Variants in EGFLAM observed in about 807,000 individuals in gnomAD.
EGFLAM encodes the protein EGF like, fibronectin type III and laminin G domains.
Under a neutral mutation model 113.1 loss-of-function variants are expected in EGFLAM, and 79 were observed. The ratio of observed to expected loss-of-function variants is 0.70; its 90% confidence interval spans 0.58 to 0.84. The LOEUF (loss-of-function observed/expected upper bound fraction) is 0.84, where lower values mean the gene tolerates loss of function less well. Ranked by LOEUF, EGFLAM falls within the 40% of genes least tolerant of loss-of-function variation. The probability of loss-of-function intolerance (pLI) is 0.00; values close to 1 mark genes in which losing one functional copy is unlikely to be tolerated. For synonymous variants in EGFLAM, 504 were observed against 487.6 expected (o/e 1.03, Z -0.44); for missense variants, 1,265 against 1,291.6 (o/e 0.98, Z 0.32).
At chr5:38,375,657 C>T (rs1480781221) in intron 6 of EGFLAM, among the ~76,000 whole-genome samples, 1 of 152,194 alleles carries the variant, frequency 6.6e-6, no homozygotes, top group African/African-American at 2.4e-5. Flanking sequence ...AACTTAATTG[C>T]TTAATGGGGC....
intron 6 of EGFLAM, among the ~76,000 whole-genome samples, chr5:38,395,762 C>T (rs1463687801): frequency 2.0e-5 from 3 of 152,180 alleles, no homozygotes; most frequent in Non-Finnish European, 4.4e-5. Context: ...TTTGCCATCT[C>T]ACTCTCCCTG....
At chr5:38,381,194 A>C (rs1686776730) in intron 6 of EGFLAM, among the ~76,000 whole-genome samples, 1 of 152,126 alleles carries the variant, frequency 6.6e-6, no homozygotes, top group African/African-American at 2.4e-5. Context: ...TGTCATGGCT[A>C]ATCTTTTCTG....
intron 12 of EGFLAM, among the ~76,000 whole-genome samples, chr5:38,424,435 AGACAGAGAAGTT>A (rs1741933053): frequency 6.6e-6 from 1 of 152,218 alleles, no homozygotes; most frequent in East Asian, 1.9e-4. Flanking sequence ...TCCCTACCCC[AGACAGAGAAGTT>A]GACAATCCAG....
chr5:38,428,216 T>C (rs1040540527), intron 14 of EGFLAM, among the ~76,000 whole-genome samples: 20 of 152,242 alleles, frequency 1.3e-4, no homozygotes, highest in Admixed American at 1.3e-3. Context: ...TTTATCCATA[T>C]TGCTAGACTG....
chr5:38,462,189 A>AAAATT (rs1743304488), intron 20 of EGFLAM, among the ~76,000 whole-genome samples: 2 of 152,078 alleles, frequency 1.3e-5, no homozygotes, highest in South Asian at 2.1e-4. Flanking sequence ...AAAATAAAAT[A>AAAATT]AACAGAAACT....
intron 13 of EGFLAM, among the ~76,000 whole-genome samples, chr5:38,426,466 T>C (rs1742012782): frequency 6.6e-6 from 1 of 152,200 alleles, no homozygotes; most frequent in South Asian, 2.1e-4. Context: ...TCTTCCCTAA[T>C]TCAGATTTGG....
chr5:38,348,942 C>T (rs544365184), intron 3 of EGFLAM, among the ~76,000 whole-genome samples: 1 of 152,228 alleles, frequency 6.6e-6, no homozygotes, highest in African/African-American at 2.4e-5. Flanking sequence ...CTGGTTCTGT[C>T]CCCTGTAGAT....
chr5:38,403,838 C>T, intron 6 of EGFLAM: 1 of 1,613,832 alleles, frequency 6.2e-7, no homozygotes, highest in Non-Finnish European at 8.5e-7. Flanking sequence ...TGTGTGAAGA[C>T]ATCTGGCACA....
chr5:38,324,135 G>A (rs1339901023), intron 1 of EGFLAM, among the ~76,000 whole-genome samples: 1 of 151,928 alleles, frequency 6.6e-6, no homozygotes, highest in Non-Finnish European at 1.5e-5. Flanking sequence ...AGCCTTGGGT[G>A]GTTTCCCTCT....
intron 1 of EGFLAM, among the ~76,000 whole-genome samples, chr5:38,298,424 C>T (rs1041958491): frequency 6.6e-6 from 1 of 152,172 alleles, no homozygotes; most frequent in African/African-American, 2.4e-5. Flanking sequence ...AAATAGCTCC[C>T]TCACTCAGTC....
At chr5:38,451,584 CA>C in intron 19 of EGFLAM, 126 bp downstream of exon 19, 1 of 1,376,308 alleles carries the variant, frequency 7.3e-7, no homozygotes, top group South Asian at 1.4e-5. Context: ...CCTGAAGCTT[CA>C]AGGCTTATTG....
intron 3 of EGFLAM, among the ~76,000 whole-genome samples, chr5:38,342,907 G>A (rs539859325): frequency 6.6e-6 from 1 of 152,234 alleles, no homozygotes; most frequent in South Asian, 2.1e-4. Flanking sequence ...TAGAGTTCAT[G>A]TGTTTTCTTC....
At chr5:38,259,295 T>C (rs545815284) in intron 1 of EGFLAM, among the ~76,000 whole-genome samples, 13 of 152,330 alleles carry the variant, frequency 8.5e-5, no homozygotes, top group African/African-American at 2.4e-4. Context: ...TCTGCCCATC[T>C]CGGGTCCTGC....
At chr5:38,452,910 C>G (rs185670848) in intron 19 of EGFLAM, among the ~76,000 whole-genome samples, 241 of 152,310 alleles carry the variant, frequency 1.6e-3, no homozygotes, top group Non-Finnish European at 2.7e-3. Flanking sequence ...ACTCTTCTTA[C>G]CAGATTGGGT....
intron 17 of EGFLAM, among the ~76,000 whole-genome samples, chr5:38,447,813 G>T (rs2561804): frequency 6.6e-6 from 1 of 151,756 alleles, no homozygotes; most frequent in Non-Finnish European, 1.5e-5. Flanking sequence ...TCAGAAATGC[G>T]GGAGTCCAAG....
intron 3 of EGFLAM, among the ~76,000 whole-genome samples, chr5:38,341,650 T>C (rs1223275561): frequency 6.6e-6 from 1 of 152,154 alleles, no homozygotes; most frequent in African/African-American, 2.4e-5. Flanking sequence ...ACACTAAGGG[T>C]GGAAAGAACA....
At chr5:38,264,219 G>A (rs1757575315) in intron 1 of EGFLAM, among the ~76,000 whole-genome samples, 1 of 152,136 alleles carries the variant, frequency 6.6e-6, no homozygotes, top group Non-Finnish European at 1.5e-5. Flanking sequence ...CCTCCTGCCT[G>A]TCCAGTTTGC....
intron 1 of EGFLAM, among the ~76,000 whole-genome samples, chr5:38,300,696 A>T (rs1475374979): frequency 6.6e-6 from 1 of 152,156 alleles, no homozygotes; most frequent in African/African-American, 2.4e-5. Flanking sequence ...TTTGAAGTAA[A>T]GCTCTGGCTG....
Position 38,462,934 on chromosome 5 carries a change from TG to T in EGFLAM, c.2800del (p.Asp934MetfsTer13). The T allele has an allele frequency of 6.2e-7, 1 of 1,614,184 alleles. No individual in the cohort carries two copies. The highest frequency in any genetic ancestry group is 8.5e-7 in the Non-Finnish European group (1 of 1,180,028). On this transcript the variant is annotated frameshift_variant, in exon 21 of 22. Coordinates refer to ENST00000322350, the MANE Select transcript of EGFLAM (RefSeq NM_152403.4). LOFTEE classifies it high-confidence loss of function. The part of the protein sequence containing the change: ...VRDGQSGKIT[V>X]DDYGARTGKS... ...GATGGCCAGTCAGGAAAGATAACCG[TG>T]GATGACTATGGAGCCAGAACAGGCA...
Sources: gnomAD v4.1 joint callset for allele counts (sites outside exome capture counted in the v4.1 genomes callset) on GRCh38, gnomAD v4.1.1 for gene constraint, MANE v1.5 for transcripts, NCBI Gene and HGNC (gene_info 2026-07-23, HGNC 2026-07-21) for gene names.